BRF1: variants seen among roughly 807,000 people sequenced by gnomAD.
BRF1 encodes the protein BRF1 general transcription factor IIIB subunit.
A neutral mutation model predicts 81.7 loss-of-function variants in BRF1; 59 were observed. The ratio of observed to expected loss-of-function variants is 0.72; its 90% CI spans 0.59 to 0.90. The LOEUF is 0.90. Among genes scored for constraint, BRF1 ranks in the 40% least tolerant of loss-of-function variants. The pLI is 0.00. For synonymous variants in BRF1, 491 were observed against 395.6 expected, an observed-to-expected ratio of 1.24 and a Z score of -2.86; for missense variants, 1,050 against 936.3, an observed-to-expected ratio of 1.12 and a Z score of -1.58.
At chr14:105,287,009 G>A (rs1279574016) in intron 1 of BRF1, among the ~76,000 whole-genome samples, 2 of 152,156 alleles carry the variant, frequency 1.3e-5, no homozygotes, top group Non-Finnish European at 2.9e-5. Context: ...TGCAGGGGAC[G>A]CAGGTACCAT....
At chr14:105,218,446 C>T (rs1891689722) in intron 14 of BRF1, among the ~76,000 whole-genome samples, 1 of 152,220 alleles carries the variant, frequency 6.6e-6, no homozygotes, top group Admixed American at 6.5e-5. Context: ...GTAGGCCCCA[C>T]ATCTGCCATC....
At chr14:105,229,600 G>C (rs587724649) in intron 6 of BRF1, among the ~76,000 whole-genome samples, 3 of 152,350 alleles carry the variant, frequency 2.0e-5, no homozygotes, top group East Asian at 3.9e-4. Flanking sequence ...CTGCGACCTG[G>C]GGGGTCACAG....
intron 5 of BRF1, among the ~76,000 whole-genome samples, chr14:105,244,492 G>C (rs1267672285): frequency 6.7e-6 from 1 of 148,978 alleles, no homozygotes; most frequent in South Asian, 2.2e-4. Flanking sequence ...AGACAAATCT[G>C]TCAGTGACTA....
intron 5 of BRF1, chr14:105,247,726 G>T (rs1437184068): frequency 1.2e-5 from 12 of 985,372 alleles, no homozygotes; most frequent in Non-Finnish European, 1.4e-5. Context: ...CGGTCCAGGA[G>T]GTTGCGTGTG....
intron 5 of BRF1, chr14:105,242,719 G>C (rs1359456629): frequency 1.0e-5 from 1 of 95,660 alleles, no homozygotes; most frequent in Admixed American, 1.6e-4. Flanking sequence ...TGGGCAACAA[G>C]AGCGAAGTTC....
chr14:105,219,279 C>G, intron 12 of BRF1, 47 bp from the exon 13 acceptor site: 2 of 1,602,290 alleles, frequency 1.2e-6, no homozygotes, highest in Non-Finnish European at 1.7e-6. Flanking sequence ...CTTCGCACAC[C>G]GGGGCATGCT....
intron 1 of BRF1, among the ~76,000 whole-genome samples, chr14:105,312,236 G>A (rs1002372261): frequency 2.0e-5 from 3 of 152,206 alleles, no homozygotes; most frequent in African/African-American, 4.8e-5. Context: ...GAAAGGCCTC[G>A]GCCCATCCTG....
chr14:105,211,396 C>T, intron 16 of BRF1, 103 bp from the exon 17 acceptor site: 1 of 1,121,284 alleles, frequency 8.9e-7, no homozygotes, highest in South Asian at 1.7e-5. Flanking sequence ...TCAGCCACTC[C>T]CGCCACACCA....
chr14:105,314,543 GT>G, intron 1 of BRF1: 1 of 146,804 alleles, frequency 6.8e-6, no homozygotes, highest in South Asian at 2.1e-4. Flanking sequence ...GGGACGCCCC[GT>G]GAGGCGCCGC....
rs1889969785 is a variant in BRF1 at position 105,210,693 on chromosome 14, C to T, written c.1997-105G>A. On this transcript the variant is annotated intron_variant, in intron 17 of 17. Transcript: ENST00000547530. The surrounding 1 kb of genome is among the most constrained non-coding windows in gnomAD (Gnocchi z 4.7). ...GTGCCCCCCTAGAAGACTCAGGCTC[C>T]AGCCCCAGCCCCAGCCCCCCGCGCC... 3 of 1,236,304 alleles carry T rather than the reference C, an allele frequency of 2.4e-6. No individual in the cohort carries two copies. The highest frequency in any genetic ancestry group is 2.5e-5 in the East Asian group (1 of 39,296). 76.6% of individuals were successfully genotyped at this position (1,236,304 alleles called of 1,614,324 possible).
At chr14:105,253,106 T>C (rs2055697452) in intron 4 of BRF1, among the ~76,000 whole-genome samples, 1 of 152,188 alleles carries the variant, frequency 6.6e-6, no homozygotes, top group Non-Finnish European at 1.5e-5. Context: ...CTATCTGCCA[T>C]AGGGCAGTGG....
intron 5 of BRF1, chr14:105,247,034 A>G (rs994482648): frequency 1.2e-5 from 12 of 985,244 alleles, no homozygotes; most frequent in African/African-American, 1.7e-5. Flanking sequence ...CACTCTGGCC[A>G]TTTGTATTTC....
intron 15 of BRF1, among the ~76,000 whole-genome samples, chr14:105,213,624 C>T (rs1197865288): frequency 6.6e-6 from 1 of 152,070 alleles, no homozygotes; most frequent in Non-Finnish European, 1.5e-5. Flanking sequence ...TGCAGGGACA[C>T]ACCCTCCCTC....
At position 105,314,693 on chromosome 14, in the gene BRF1, G is replaced by C. The variant is rs1347098945; in HGVS notation, c.-162+629C>G. 7 of 142,474 alleles carry C rather than the reference G, an allele frequency of 4.9e-5. No homozygotes were observed. In the East Asian group the frequency reaches 1.3e-3, roughly 26 times the overall value. 8.8% of individuals were successfully genotyped at this position (142,474 alleles called of 1,614,324 possible). A position where few individuals can be genotyped will look rare whatever the true frequency, so the allele number is the denominator to read the frequency against. On this transcript the variant is annotated intron_variant, in intron 1 of 17. Transcript: ENST00000327359. Reference sequence around the variant, plus strand: ...GAGGGCGCCGGGCGCGCGCGGGGCGGCCGGGGGCGCGCGGGGCGCGGGCGG... The same window carrying C: ...GAGGGCGCCGGGCGCGCGCGGGGCGCCCGGGGGCGCGCGGGGCGCGGGCGG...
At chr14:105,228,699 G>C in intron 7 of BRF1, 121 bp downstream of exon 7, 1 of 1,153,506 alleles carries the variant, frequency 8.7e-7, no homozygotes, top group Middle Eastern at 2.2e-4. Context: ...CTAGGTCCTG[G>C]CCAGCAGCCA....
At position 105,251,406 on chromosome 14, in the gene BRF1, T is replaced by C. The variant is rs141025882; in HGVS notation, c.544+1101A>G. ...GCCCAGCGTTCTGGACCCTGGGGAC[T>C]GTCACTAGCTGTGACACTGCTGCGG... is the stretch of plus-strand genomic sequence containing the variant. On this transcript the variant is annotated intron_variant, in intron 5 of 17. Coordinates refer to ENST00000547530, the MANE Select transcript of BRF1 (RefSeq NM_001519.4). 3.6e-3 allele frequency among the ~76,000 whole-genome samples: 551 copies of C among 152,356 alleles called. 1 individual carries two copies. Among genetic ancestry groups the C allele is most frequent in the African/African-American group, 0.013 (529 of 41,588 alleles).
intron 5 of BRF1, among the ~76,000 whole-genome samples, chr14:105,252,103 C>T (rs2055647660): frequency 6.6e-6 from 1 of 152,216 alleles, no homozygotes; most frequent in East Asian, 1.9e-4. Context: ...ATGCTCCCAG[C>T]ACGCAGCACT....
intron 3 of BRF1, among the ~76,000 whole-genome samples, chr14:105,265,900 CAAAAAAA>C (rs34375627): frequency 1.5e-4 from 11 of 75,672 alleles, no homozygotes; most frequent in Non-Finnish European, 2.0e-4. Flanking sequence ...GACTCCCTCT[CAAAAAAA>C]AAAAAAAAAA....
At chr14:105,241,445 C>T in intron 5 of BRF1, 31 bp from the exon 6 acceptor site, 1 of 1,607,244 alleles carries the variant, frequency 6.2e-7, no homozygotes, top group South Asian at 1.1e-5. Context: ...CAGTGCCCAC[C>T]TCCATGTGCC....
Sources: gnomAD v4.1 joint callset for allele counts (sites outside exome capture counted in the v4.1 genomes callset) on GRCh38, gnomAD v4.1.1 for gene constraint, Gnocchi (gnomAD v3.1) non-coding constraint, MANE v1.5 for transcripts, NCBI Gene and HGNC (gene_info 2026-07-23, HGNC 2026-07-21) for gene names.